Variants in LAMB4 observed in about 807,000 individuals in gnomAD.
LAMB4 encodes the protein laminin subunit beta-4.
Under a neutral mutation model 199.2 loss-of-function variants are expected in LAMB4, and 196 were observed. The ratio of observed to expected loss-of-function variants is 0.98; its 90% CI spans 0.88 to 1.11. LAMB4 has a LOEUF of 1.11. Among genes scored for constraint, LAMB4 ranks in the 50% least tolerant of loss-of-function variants. The pLI, the probability that LAMB4 is intolerant of heterozygous loss-of-function variation, is 0.00. For missense variants in LAMB4, 2,080 were observed against 2,171.2 expected (o/e 0.96, Z 0.83); for synonymous variants, 744 against 770.6 (o/e 0.97, Z 0.57).
intron 2 of LAMB4, among the ~76,000 whole-genome samples, chr7:108,121,567 T>A (rs991552571): frequency 2.6e-5 from 4 of 152,032 alleles, no homozygotes; most frequent in Non-Finnish European, 5.9e-5. Flanking sequence ...CTGGCCAACA[T>A]GGTGAAACCC....
rs190003859 is a variant in LAMB4, at chr7:108,117,627, C to T, written c.35-1466G>A. Among the ~76,000 whole-genome samples, 405 of 152,086 alleles carry T rather than the reference C, an allele frequency of 2.7e-3. 2 individuals are homozygous for T. The highest frequency in any genetic ancestry group is 9.3e-3 in the African/African-American group (387 of 41,504). ...ACCTCACACAAGAAAGAATTCAGGG[C>T]GAGTCCATACGGTAAAGTGAAAGCA... On this transcript the variant is annotated intron_variant, in intron 2 of 33. Transcript: ENST00000388781.
intron 2 of LAMB4, 132 bp downstream of exon 2, chr7:108,122,999 A>T (rs1246121673): frequency 4.3e-6 from 3 of 692,676 alleles, no homozygotes; most frequent in Non-Finnish European, 6.8e-6. Context: ...ACACAATTAC[A>T]CAACAACAAC....
At chr7:108,056,292 A>G (rs2035983665) in intron 24 of LAMB4, among the ~76,000 whole-genome samples, 1 of 152,108 alleles carries the variant, frequency 6.6e-6, no homozygotes, top group African/African-American at 2.4e-5. Context: ...CATCTATTTG[A>G]GTAAGAAGTA....
chr7:108,060,746 T>C (rs1379393929), intron 23 of LAMB4, among the ~76,000 whole-genome samples: 2 of 152,166 alleles, frequency 1.3e-5, no homozygotes, highest in Non-Finnish European at 2.9e-5. Flanking sequence ...CATGAGTCCA[T>C]GCTGATATAA....
In LAMB4 at chr7:108,044,808, C is replaced by G. The variant is rs190224061; in HGVS notation, c.4327-912G>C. On this transcript the variant is annotated intron_variant, in intron 28 of 33. Transcript: ENST00000388781. ...TCTCTACTAAAAATGCCAAAATTAGCCAGGCATGGTGGCGCATGCCTGTAA... is the reference window on the plus strand; with the variant it reads ...TCTCTACTAAAAATGCCAAAATTAGGCAGGCATGGTGGCGCATGCCTGTAA... Among the ~76,000 whole-genome samples the G allele has an allele frequency of 3.5e-4, 53 of 151,956 alleles. No homozygotes were observed. The East Asian group carries it at 8.7e-3, about 25-fold the overall frequency.
intron 11 of LAMB4, among the ~76,000 whole-genome samples, chr7:108,097,272 T>C (rs940238444): frequency 6.6e-6 from 1 of 152,114 alleles, no homozygotes; most frequent in Non-Finnish European, 1.5e-5. Context: ...TTACCCAGGG[T>C]TTCTGAGGAA....
intron 17 of LAMB4, among the ~76,000 whole-genome samples, chr7:108,070,092 A>G (rs1302456232): frequency 6.6e-6 from 1 of 150,752 alleles, no homozygotes; most frequent in Non-Finnish European, 1.5e-5. Context: ...TGTGGCTAAG[A>G]AAAAAAAAGC....
downstream of LAMB4, among the ~76,000 whole-genome samples, chr7:108,019,332 C>T (rs1436097070): frequency 1.3e-5 from 2 of 151,886 alleles, no homozygotes; most frequent in East Asian, 2.0e-4. Context: ...TGCTGCTGTC[C>T]CTCTGACTCT....
At chr7:108,011,801 A>C in the LAMB4 span, among the ~76,000 whole-genome samples, 1 of 152,126 alleles carries the variant, frequency 6.6e-6, no homozygotes, top group Non-Finnish European at 1.5e-5. Context: ...TGCATCTTAA[A>C]TGTATATGCT....
Position 108,068,077 on chromosome 7 carries a change from G to A in LAMB4, c.2385C>T (p.Val795=), listed in dbSNP as rs142488715. ...GGQCQCKPLV[V]GRCCDRCSTG... ...TTGAGCACCTGTCACAGCAGCGCCC[G>A]ACCACAAGAGGTTTACACTGGCACT... Residue 795 remains valine (V), a synonymous_variant, in exon 19 of 34, where the codon GTC becomes GTT. Coordinates refer to ENST00000388781, the MANE Select transcript of LAMB4 (RefSeq NM_007356.3). The A allele has an allele frequency of 4.0e-5, 64 of 1,613,988 alleles. No homozygotes were observed. Among genetic ancestry groups the A allele is most frequent in the Non-Finnish European group, 4.7e-5 (56 of 1,180,022 alleles).
intron 24 of LAMB4, among the ~76,000 whole-genome samples, chr7:108,056,573 A>G (rs892674164): frequency 2.6e-5 from 4 of 152,226 alleles, no homozygotes; most frequent in African/African-American, 9.7e-5. Flanking sequence ...CCAAGCCTGA[A>G]GATAGAGGAT....
chr7:108,102,396 G>GA (rs1460150979), intron 10 of LAMB4, among the ~76,000 whole-genome samples: 1 of 152,144 alleles, frequency 6.6e-6, no homozygotes, highest in East Asian at 1.9e-4. Context: ...GTGAAAGAGT[G>GA]AAAAAAATCA....
Position 108,082,656 on chromosome 7 carries a change from T to C in LAMB4, c.1702-2870A>G, listed in dbSNP as rs560545575. Among the ~76,000 whole-genome samples, 4 of 152,334 alleles carry C rather than the reference T, an allele frequency of 2.6e-5. No individual in the cohort carries two copies. In the East Asian group the frequency reaches 7.7e-4, roughly 29 times the overall value. On this transcript the variant is annotated intron_variant, in intron 14 of 33. Transcript: ENST00000388781. ...CAATTCTTGAATATATATAATGGAA[T>C]GAACCTGCTTTGCAGTTGGCACTGG...
Position 108,065,782 on chromosome 7 carries a change from T to C in LAMB4, c.2816A>G (p.Asn939Ser), listed in dbSNP as rs776460788. The change falls in exon 21 of 34, where the codon AAT becomes AGT. Residue 939 changes from asparagine to serine, a missense_variant. Asn to Ser is a conservative substitution (Grantham distance 46). Transcript: ENST00000388781. Reference protein sequence around the residue: ...QNLWSSDVICNCLQGYTGTQC... With the variant: ...QNLWSSDVICSCLQGYTGTQC... ...CATACCCGTATAACCTTGAAGACAA[T>C]TGCAGATTACATCTGAGCTCCACAG... The C allele has an allele frequency of 5.0e-6, 8 of 1,613,980 alleles. No individual in the cohort carries two copies. The highest frequency in any genetic ancestry group is 2.7e-5 in the African/African-American group (2 of 74,916).
At chr7:108,108,223 C>T (rs1188369269) in intron 5 of LAMB4, among the ~76,000 whole-genome samples, 2 of 152,178 alleles carry the variant, frequency 1.3e-5, no homozygotes, top group Non-Finnish European at 2.9e-5. Flanking sequence ...GTCACTGTTC[C>T]TGGCCAGGTC....
chr7:108,112,624 G>T (rs2038271765), intron 3 of LAMB4, among the ~76,000 whole-genome samples: 1 of 152,160 alleles, frequency 6.6e-6, no homozygotes, highest in African/African-American at 2.4e-5. Context: ...GGTTACAACA[G>T]CAAAGGCTGG....
chr7:108,014,168 T>C, the LAMB4 span, among the ~76,000 whole-genome samples: 1 of 152,230 alleles, frequency 6.6e-6, no homozygotes, highest in Non-Finnish European at 1.5e-5. Context: ...AGATAGTTTC[T>C]TGTGGATGTA....
intron 11 of LAMB4, among the ~76,000 whole-genome samples, chr7:108,096,142 C>G (rs2037586776): frequency 6.6e-6 from 1 of 152,158 alleles, no homozygotes; most frequent in African/African-American, 2.4e-5. Flanking sequence ...AACTCTATGC[C>G]CTTTATATAA....
intron 2 of LAMB4, among the ~76,000 whole-genome samples, chr7:108,117,650 G>A (rs1039606765): frequency 6.6e-6 from 1 of 152,164 alleles, no homozygotes; most frequent in Non-Finnish European, 1.5e-5. Context: ...TAAAGTGAAA[G>A]CAAGTTTATT....
Sources: allele counts gnomAD v4.1 joint callset (sites outside exome capture counted in the v4.1 genomes callset), GRCh38; gene constraint gnomAD v4.1.1; transcripts MANE v1.5; gene names NCBI Gene and HGNC (gene_info 2026-07-23, HGNC 2026-07-21).